PDE11A: variants seen among roughly 807,000 people sequenced by gnomAD.
PDE11A encodes dual 3',5'-cyclic-AMP and -GMP phosphodiesterase 11A.
PDE11A carries 100 observed loss-of-function variants against 100.5 expected under a neutral mutation model. The ratio of observed to expected loss-of-function variants is 1.00; its 90% CI spans 0.85 to 1.18. The LOEUF is 1.18. Among genes scored for constraint, PDE11A ranks in the 50% most tolerant of loss-of-function variants. PDE11A has a pLI of 0.00. For synonymous variants in PDE11A, 381 were observed against 420.8 expected (o/e 0.91, Z 1.16); for missense variants, 1,141 against 1,152.6 (o/e 0.99, Z 0.15).
intron 4 of PDE11A, among the ~76,000 whole-genome samples, chr2:177,893,562 G>T (rs1230460886): frequency 6.6e-6 from 1 of 152,196 alleles, no homozygotes. Context: ...GAGGGGTGTG[G>T]ACAGGGGGAC....
At chr2:177,754,809 CTG>C (rs1415707443) in intron 10 of PDE11A, among the ~76,000 whole-genome samples, 15 of 152,248 alleles carry the variant, frequency 9.9e-5, no homozygotes, top group Non-Finnish European at 1.8e-4. Context: ...ACCGGGTTAA[CTG>C]TTCACACACA....
chr2:177,653,579 G>A (rs1045738929), intron 19 of PDE11A, among the ~76,000 whole-genome samples: 2 of 152,136 alleles, frequency 1.3e-5, no homozygotes, highest in African/African-American at 2.4e-5. Context: ...ATTAGAATGG[G>A]CCCTAAATCC....
Position 177,646,991 on chromosome 2 carries a change from C to T in PDE11A, c.2646+16875G>A, listed in dbSNP as rs528688553. ...TTTTCAGAGCAGACTGGTAGCTAATCAATCATGTTCATTGTGTAGGCAACT... is the reference window on the plus strand; with the variant it reads ...TTTTCAGAGCAGACTGGTAGCTAATTAATCATGTTCATTGTGTAGGCAACT... On this transcript the variant is annotated intron_variant, in intron 19 of 19. Coordinates refer to ENST00000286063, the MANE Select transcript of PDE11A (RefSeq NM_016953.4). Among the ~76,000 whole-genome samples the T allele has an allele frequency of 2.3e-4, 35 of 152,306 alleles. 1 individual carries two copies. Among genetic ancestry groups the T allele is most frequent in the Non-Finnish European group, 3.4e-4 (23 of 68,032 alleles).
chr2:177,878,679 T>C (rs1291249088), intron 4 of PDE11A, among the ~76,000 whole-genome samples: 1 of 152,164 alleles, frequency 6.6e-6, no homozygotes, highest in Non-Finnish European at 1.5e-5. Context: ...TTAAGTGGTT[T>C]GCTGGAAGCC....
At chr2:177,836,916 C>A (rs774505945) in intron 6 of PDE11A, among the ~76,000 whole-genome samples, 2 of 152,126 alleles carry the variant, frequency 1.3e-5, no homozygotes, top group Non-Finnish European at 2.9e-5. Flanking sequence ...TCAGAAGGAA[C>A]AAACTCCGGA....
intron 5 of PDE11A, among the ~76,000 whole-genome samples, chr2:177,854,557 A>T (rs1367688838): frequency 6.6e-6 from 1 of 152,126 alleles, no homozygotes; most frequent in Admixed American, 6.6e-5. Flanking sequence ...GAAAATATGG[A>T]ATCCCAGAAG....
At chr2:177,854,238 T>C (rs953903678) in intron 5 of PDE11A, among the ~76,000 whole-genome samples, 6 of 151,976 alleles carry the variant, frequency 3.9e-5, no homozygotes, top group African/African-American at 1.5e-4. Flanking sequence ...TCTGTGACAG[T>C]TTTACTAGAG....
chr2:177,709,154 G>A (rs17400505), intron 13 of PDE11A, among the ~76,000 whole-genome samples: 63,648 of 152,058 alleles, frequency 0.42, 16,345 homozygotes, highest in East Asian at 0.63. Context: ...GCAGGAGTCC[G>A]AATGAAAAGG....
At chr2:177,655,932 T>A (rs1375208019) in intron 19 of PDE11A, among the ~76,000 whole-genome samples, 1 of 152,224 alleles carries the variant, frequency 6.6e-6, no homozygotes, top group Non-Finnish European at 1.5e-5. Flanking sequence ...AATATTAAAA[T>A]AACTAGAGGA....
intron 4 of PDE11A, among the ~76,000 whole-genome samples, chr2:177,893,510 C>T (rs979047191): frequency 6.6e-6 from 1 of 152,184 alleles, no homozygotes; most frequent in African/African-American, 2.4e-5. Context: ...TGAGTAATTC[C>T]TCCCCTGAAG....
chr2:177,883,713 A>C (rs1422445607), intron 4 of PDE11A, among the ~76,000 whole-genome samples: 1 of 152,222 alleles, frequency 6.6e-6, no homozygotes, highest in Non-Finnish European at 1.5e-5. Flanking sequence ...GGCAAGCTAT[A>C]GAAGTGTGGG....
At chr2:177,846,396 T>A (rs1441132153) in intron 5 of PDE11A, among the ~76,000 whole-genome samples, 1 of 152,230 alleles carries the variant, frequency 6.6e-6, no homozygotes, top group Non-Finnish European at 1.5e-5. Context: ...CACATGACAG[T>A]ACCCCTTTAT....
At chr2:177,801,932 G>A (rs1415145295) in intron 9 of PDE11A, among the ~76,000 whole-genome samples, 1 of 152,016 alleles carries the variant, frequency 6.6e-6, no homozygotes, top group African/African-American at 2.4e-5. Flanking sequence ...TAAGCAAGCT[G>A]CAAATTGGGT....
intron 9 of PDE11A, among the ~76,000 whole-genome samples, chr2:177,807,877 T>C (rs1011662679): frequency 3.8e-4 from 58 of 152,250 alleles, no homozygotes; most frequent in African/African-American, 1.3e-3. Flanking sequence ...GTAAAATATT[T>C]ATATATGAAG....
At chr2:177,817,048 G>C (rs2083051300) in intron 8 of PDE11A, 127 bp from the exon 9 acceptor site, 2 of 708,282 alleles carry the variant, frequency 2.8e-6, no homozygotes, top group African/African-American at 1.8e-5. Context: ...GTAGGCCTTG[G>C]GGAAATAGGC....
chr2:177,695,978 A>C (rs944556953), intron 15 of PDE11A, among the ~76,000 whole-genome samples: 2 of 152,154 alleles, frequency 1.3e-5, no homozygotes, highest in African/African-American at 4.8e-5. Context: ...ACAGGATTCG[A>C]TGTGGGAATG....
intron 2 of PDE11A, among the ~76,000 whole-genome samples, chr2:178,089,036 G>A (rs777098291): frequency 6.6e-6 from 1 of 152,164 alleles, no homozygotes; most frequent in Non-Finnish European, 1.5e-5. Flanking sequence ...CAAAGTAGGC[G>A]TTGCACAGAT....
At chr2:177,987,613 T>C (rs1262948628) in intron 2 of PDE11A, among the ~76,000 whole-genome samples, 1 of 152,214 alleles carries the variant, frequency 6.6e-6, no homozygotes, top group Non-Finnish European at 1.5e-5. Flanking sequence ...TTTTATTAAA[T>C]TGCAGGATGA....
chr2:177,782,651 T>C (rs1011164458), intron 9 of PDE11A, among the ~76,000 whole-genome samples: 8 of 152,194 alleles, frequency 5.3e-5, no homozygotes, highest in Admixed American at 3.9e-4. Flanking sequence ...AATGTGAAAT[T>C]CAGCTCCCTC....
Sources: gnomAD v4.1 joint callset for allele counts (sites outside exome capture counted in the v4.1 genomes callset) on GRCh38, gnomAD v4.1.1 for gene constraint, MANE v1.5 for transcripts, NCBI Gene and HGNC (gene_info 2026-07-23, HGNC 2026-07-21) for gene names.